DNAJC13: variants seen among roughly 807,000 people sequenced by gnomAD.
DNAJC13 encodes the protein DnaJ heat shock protein family (Hsp40) member C13.
In DNAJC13, 75 loss-of-function variants were observed where a neutral mutation model predicts 290.5. The ratio of observed to expected loss-of-function variants is 0.26; its 90% CI spans 0.21 to 0.31. The LOEUF is 0.31. Ranked by LOEUF, DNAJC13 falls within the 10% of genes least tolerant of loss-of-function variation. DNAJC13 has a pLI of 1.00. For missense variants in DNAJC13, 2,260 were observed against 2,674.5 expected (o/e 0.85, Z 3.42); for synonymous variants, 862 against 892.0 (o/e 0.97, Z 0.60).
chr3:132,453,507 A>G lies in DNAJC13; in HGVS notation c.744+3A>G. On this transcript the variant is annotated splice_donor_region_variant and intron_variant, in intron 7 of 55. Coordinates refer to ENST00000260818, the MANE Select transcript of DNAJC13 (RefSeq NM_015268.4). ...AAAAAATATCACCTAGACATTCGGTAAGACCCATATGTTAAAAATGAAAAT... is the reference window on the plus strand; with the variant it reads ...AAAAAATATCACCTAGACATTCGGTGAGACCCATATGTTAAAAATGAAAAT... 6.2e-7 allele frequency: 1 copy of G among 1,613,590 alleles called. No homozygotes were observed. The highest frequency in any genetic ancestry group is 8.5e-7 in the Non-Finnish European group (1 of 1,179,680).
intron 2 of DNAJC13, among the ~76,000 whole-genome samples, chr3:132,443,971 G>A (rs534744448): frequency 5.9e-5 from 9 of 152,236 alleles, no homozygotes; most frequent in African/African-American, 1.7e-4. Flanking sequence ...AGTTGCCTTA[G>A]CCACATTTCA....
At chr3:132,531,279 G>A (rs986454112) in intron 55 of DNAJC13, among the ~76,000 whole-genome samples, 182 bp downstream of exon 55, 1 of 152,152 alleles carries the variant, frequency 6.6e-6, no homozygotes, top group African/African-American at 2.4e-5. Flanking sequence ...CATGCAAACT[G>A]TTGTTGTGTT....
chr3:132,483,649 G>GT, intron 28 of DNAJC13, 72 bp downstream of exon 28: 1 of 1,466,040 alleles, frequency 6.8e-7, no homozygotes, highest in South Asian at 1.2e-5. Flanking sequence ...TCGGTCTGGT[G>GT]TTTTAAAACA....
At chr3:132,516,021 T>C (rs1283897459) in intron 46 of DNAJC13, among the ~76,000 whole-genome samples, 1 of 152,204 alleles carries the variant, frequency 6.6e-6, no homozygotes, top group African/African-American at 2.4e-5. Flanking sequence ...AACTGCTACT[T>C]CCTACTTTTT....
chr3:132,526,654 C>T (rs1936265920), intron 53 of DNAJC13, among the ~76,000 whole-genome samples: 1 of 152,162 alleles, frequency 6.6e-6, no homozygotes, highest in South Asian at 2.1e-4. Context: ...GCTTCATCCT[C>T]TTTGGAAAAA....
At chr3:132,518,010 T>G (rs1043323091) in intron 48 of DNAJC13, among the ~76,000 whole-genome samples, 1 of 152,196 alleles carries the variant, frequency 6.6e-6, no homozygotes, top group Non-Finnish European at 1.5e-5. Flanking sequence ...TAGAGCTAGG[T>G]AGCACATAAC....
At chr3:132,522,606 T>G (rs1437676706) in intron 48 of DNAJC13, among the ~76,000 whole-genome samples, 1 of 152,140 alleles carries the variant, frequency 6.6e-6, no homozygotes. Flanking sequence ...AAAATGAAAC[T>G]TGATAGGTAA....
Position 132,471,575 on chromosome 3 carries a change from G to T in DNAJC13, c.2209-1570G>T, listed in dbSNP as rs1470208545. ...CTCCTCACCTCCCAGATGGGGTCTC[G>T]GCCGGGCAGAGGCACTCCTCACATC... On this transcript the variant is annotated intron_variant, in intron 20 of 55. Coordinates refer to ENST00000260818, the MANE Select transcript of DNAJC13 (RefSeq NM_015268.4). Among the ~76,000 whole-genome samples, 2 of 139,858 alleles carry T rather than the reference G, an allele frequency of 1.4e-5. 1 individual carries two copies. The highest frequency in any genetic ancestry group is 3.1e-5 in the Non-Finnish European group (2 of 63,990). The allele number at this position is 139,858 out of a possible 152,430, so 91.8% of individuals were successfully genotyped here.
intron 20 of DNAJC13, among the ~76,000 whole-genome samples, chr3:132,472,910 A>G (rs1934332693): frequency 6.6e-6 from 1 of 152,260 alleles, no homozygotes; most frequent in Non-Finnish European, 1.5e-5. Flanking sequence ...TTTAGGCTAC[A>G]TGGAAAATAC....
intron 13 of DNAJC13, among the ~76,000 whole-genome samples, chr3:132,459,497 G>A (rs956827330): frequency 2.0e-5 from 3 of 152,152 alleles, no homozygotes; most frequent in African/African-American, 7.2e-5. Context: ...CTAGCGATGG[G>A]TGGTGGTGAT....
chr3:132,440,754 A>G (rs940586305), intron 2 of DNAJC13, among the ~76,000 whole-genome samples: 1 of 152,220 alleles, frequency 6.6e-6, no homozygotes, highest in African/African-American at 2.4e-5. Flanking sequence ...TCACCTAATG[A>G]CAGATTCTCA....
intron 3 of DNAJC13, 101 bp downstream of exon 3, chr3:132,446,651 A>T: frequency 1.4e-6 from 1 of 708,908 alleles, no homozygotes; most frequent in Non-Finnish European, 2.3e-6. Flanking sequence ...ACTTGAAGAT[A>T]GAAATGTCAA....
chr3:132,474,207 T>C (rs1241356625), intron 21 of DNAJC13: 1 of 152,286 alleles, frequency 6.6e-6, no homozygotes, highest in Non-Finnish European at 1.5e-5. Flanking sequence ...CCTAAAGTTT[T>C]GTATCTGACA....
chr3:132,482,405 G>A (rs1479288865), intron 27 of DNAJC13, 75 bp downstream of exon 27: 29 of 1,169,444 alleles, frequency 2.5e-5, no homozygotes, highest in Middle Eastern at 2.0e-4. Flanking sequence ...TTACAGAGGC[G>A]TGGAATGTTT....
rs145242635 is a variant in DNAJC13, at chr3:132,467,208, A to G, written c.2103A>G (p.Gln701=). ...AATTTAATAAAGTTCCAGAGTGGCAAAGACTAGCTGGAAAAGCTGCTAAAG... is the reference window on the plus strand; with the variant it reads ...AATTTAATAAAGTTCCAGAGTGGCAGAGACTAGCTGGAAAAGCTGCTAAAG... ...YGKFNKVPEW[Q]RLAGKAAKEV... is the part of the protein sequence containing the mutation. Residue 701 remains glutamine, a synonymous_variant, in exon 20 of 56, where the codon CAA becomes CAG. Coordinates refer to ENST00000260818, the MANE Select transcript of DNAJC13 (RefSeq NM_015268.4). 1.2e-6 allele frequency: 2 copies of G among 1,613,872 alleles called. No homozygotes were observed. Among genetic ancestry groups the G allele is most frequent in the South Asian group, 2.2e-5 (2 of 91,024 alleles).
chr3:132,469,228 T>C (rs1035191429), intron 20 of DNAJC13, among the ~76,000 whole-genome samples: 1 of 152,234 alleles, frequency 6.6e-6, no homozygotes, highest in Admixed American at 6.5e-5. Context: ...ATTTTATTAA[T>C]AGAAACACTA....
Position 132,531,233 on chromosome 3 carries a change from A to G in DNAJC13, c.6625+136A>G. The G allele has an allele frequency of 2.1e-5, 14 of 673,960 alleles. No homozygotes were observed. The South Asian group carries it at 2.5e-4, about 12-fold the overall frequency. The allele number at this position is 673,960 out of a possible 1,614,324, so 41.7% of individuals were successfully genotyped here. On this transcript the variant is annotated intron_variant, in intron 55 of 55. Transcript: ENST00000260818. ...GCTGACCTTTCTTGGAGGTGCTATG[A>G]GCATGTAGTAGACATATGGTCTTAG...
intron 21 of DNAJC13, among the ~76,000 whole-genome samples, chr3:132,473,798 G>A (rs79090753): frequency 0.014 from 2,101 of 152,056 alleles, 49 homozygotes; most frequent in African/African-American, 0.048. Flanking sequence ...ATTATACCTT[G>A]GCCAATAAAG....
In DNAJC13 at chr3:132,453,403, T is replaced by C; in HGVS notation, c.643T>C (p.Phe215Leu). 1 of 1,613,990 alleles carries C rather than the reference T, an allele frequency of 6.2e-7. No individual in the cohort carries two copies. Among genetic ancestry groups the C allele is most frequent in the Non-Finnish European group, 8.5e-7 (1 of 1,179,938 alleles). ...GCGGATCAGGAAAGAGCCTTTAGAATTCGAGCAATATTTGAATCTTCGCTT... is the reference window on the plus strand; with the variant it reads ...GCGGATCAGGAAAGAGCCTTTAGAACTCGAGCAATATTTGAATCTTCGCTT... ...SLRIRKEPLE[F>L]EQYLNLRFGK... The change falls in exon 7 of 56, where the codon TTC (phenylalanine) becomes CTC (leucine). Residue 215 changes from phenylalanine (F) to leucine (L), a missense_variant. This residue lies in a region of DNAJC13 where 762 missense variants were observed against 964.1 expected (regional missense o/e 0.79). Coordinates refer to ENST00000260818, the MANE Select transcript of DNAJC13 (RefSeq NM_015268.4).
Sources: allele counts gnomAD v4.1 joint callset (sites outside exome capture counted in the v4.1 genomes callset), GRCh38; gene constraint gnomAD v4.1.1; regional missense constraint gnomAD v4.1.1; transcripts MANE v1.5; gene names NCBI Gene and HGNC (gene_info 2026-07-23, HGNC 2026-07-21).